The following GRK5 variants were observed in gnomAD, a reference collection of about 807,000 sequenced individuals.
GRK5 encodes g protein-coupled receptor kinase GRK5.
A neutral mutation model predicts 78.4 loss-of-function variants in GRK5; 40 were observed. The ratio of observed to expected loss-of-function variants is 0.51; its 90% confidence interval spans 0.40 to 0.66. GRK5 has a LOEUF of 0.66. Ranked by LOEUF, GRK5 falls within the 30% of genes least tolerant of loss-of-function variation. The pLI is 0.00. For synonymous variants in GRK5, 289 were observed against 296.8 expected, an observed-to-expected ratio of 0.97 and a Z score of 0.27; for missense variants, 598 against 759.9, an observed-to-expected ratio of 0.79 and a Z score of 2.50.
At chr10:119,390,711 A>G (rs560077875) in intron 3 of GRK5, among the ~76,000 whole-genome samples, 93 of 152,300 alleles carry the variant, frequency 6.1e-4, no homozygotes, top group African/African-American at 2.2e-3. Flanking sequence ...TCAAAAAACA[A>G]ACAAAATATC....
chr10:119,380,761 G>A (rs1851697016), intron 2 of GRK5, 54 bp from the exon 3 acceptor site: 1 of 1,104,924 alleles, frequency 9.1e-7, no homozygotes, highest in African/African-American at 1.5e-5. Flanking sequence ...TGACAGGAAG[G>A]CCCTGCCTGG....
In GRK5 at chr10:119,380,886, A is replaced by G. The variant is rs377486443; in HGVS notation, c.220A>G (p.Arg74Gly). ...GCTTTTCCGGCAGTTTTGTGAAACC[A>G]GGCCTGGGCTGGAGTGTTACATTCA... The part of the protein sequence containing the change: ...RLLFRQFCET[R>G]PGLECYIQFL... The change falls in exon 3 of 16, where the codon AGG becomes GGG. Residue 74 changes from arginine (R) to glycine (G), a missense_variant. Arg to Gly is a moderately radical substitution (Grantham distance 125). Coordinates refer to ENST00000392870, the MANE Select transcript of GRK5 (RefSeq NM_005308.3). 6.7e-5 allele frequency: 108 copies of G among 1,613,426 alleles called. No individual in the cohort carries two copies. The highest frequency in any genetic ancestry group is 8.6e-5 in the Non-Finnish European group (101 of 1,179,454).
At chr10:119,356,182 C>G (rs1168944214) in intron 2 of GRK5, among the ~76,000 whole-genome samples, 1 of 152,204 alleles carries the variant, frequency 6.6e-6, no homozygotes, top group Non-Finnish European at 1.5e-5. Context: ...ATGCTGTATT[C>G]AGACTAAAGG....
chr10:119,387,807 G>A (rs1851825544), intron 3 of GRK5, among the ~76,000 whole-genome samples: 1 of 152,204 alleles, frequency 6.6e-6, no homozygotes, highest in Non-Finnish European at 1.5e-5. Context: ...TATGGAACCA[G>A]ATTCACCCAG....
Position 119,267,499 on chromosome 10 carries a change from G to A in GRK5, c.53-59017G>A, listed in dbSNP as rs780351438. ...GGCCTTGGGCAGCAGACTCCTCACC[G>A]TGGCCAGGCAAGGGATTCCCACCCT... is the stretch of plus-strand genomic sequence containing the variant. On this transcript the variant is annotated intron_variant, in intron 1 of 15. Coordinates refer to ENST00000392870, the MANE Select transcript of GRK5 (RefSeq NM_005308.3). This position sits in a 1 kb window ranked among gnomAD's most constrained non-coding sequence, Gnocchi z 4.1. Among the ~76,000 whole-genome samples the A allele has an allele frequency of 1.2e-4, 18 of 152,186 alleles. No individual in the cohort carries two copies. Among genetic ancestry groups the A allele is most frequent in the Non-Finnish European group, 1.6e-4 (11 of 68,030 alleles).
At chr10:119,273,860 A>G (rs1294195555) in intron 1 of GRK5, among the ~76,000 whole-genome samples, 1 of 152,000 alleles carries the variant, frequency 6.6e-6, no homozygotes, top group African/African-American at 2.4e-5. Flanking sequence ...TGCAACCTCC[A>G]TCTCCTGGGT....
intron 1 of GRK5, among the ~76,000 whole-genome samples, chr10:119,245,477 C>T (rs1849092579): frequency 6.6e-6 from 1 of 152,124 alleles, no homozygotes; most frequent in Admixed American, 6.5e-5. Flanking sequence ...ATAGCCACAA[C>T]ATGTATGAAC....
intron 4 of GRK5, among the ~76,000 whole-genome samples, chr10:119,416,011 C>A (rs548012136): frequency 3.3e-5 from 5 of 152,252 alleles, no homozygotes; most frequent in Admixed American, 2.0e-4. Context: ...CCCAGGGTGA[C>A]GCGGGGCAAA....
chr10:119,324,013 G>A (rs1183625295), intron 1 of GRK5, among the ~76,000 whole-genome samples: 2 of 152,172 alleles, frequency 1.3e-5, no homozygotes, highest in African/African-American at 4.8e-5. Flanking sequence ...TGACCCTGCG[G>A]GCCTCCGGTC....
intron 1 of GRK5, among the ~76,000 whole-genome samples, chr10:119,284,823 G>A (rs969446124): frequency 4.4e-4 from 67 of 152,252 alleles, no homozygotes; most frequent in African/African-American, 1.6e-3. Context: ...ATGCAAGGCT[G>A]CCGTCCTGGC....
chr10:119,347,322 C>T (rs760900115), intron 2 of GRK5, among the ~76,000 whole-genome samples: 14 of 149,760 alleles, frequency 9.3e-5, no homozygotes, highest in African/African-American at 2.0e-4. Flanking sequence ...TGTATGTGTC[C>T]GTATATTTGT....
intron 8 of GRK5, among the ~76,000 whole-genome samples, chr10:119,434,382 C>T (rs145489466): frequency 3.5e-4 from 54 of 152,322 alleles, no homozygotes; most frequent in African/African-American, 1.2e-3. Flanking sequence ...CGCCTACGAG[C>T]CCGTAAAATC....
chr10:119,349,268 C>G (rs370017288), intron 2 of GRK5, among the ~76,000 whole-genome samples: 308 of 152,172 alleles, frequency 2.0e-3, no homozygotes, highest in African/African-American at 7.1e-3. Flanking sequence ...GCTTCATTGT[C>G]ACAAAAAAGC....
At chr10:119,275,517 T>C (rs536506514) in intron 1 of GRK5, among the ~76,000 whole-genome samples, 1 of 152,186 alleles carries the variant, frequency 6.6e-6, no homozygotes, top group African/African-American at 2.4e-5. Context: ...CTTTATTTCC[T>C]ATGATAAATG....
Position 119,421,609 on chromosome 10 carries a change from A to C in GRK5, c.340-1557A>C, listed in dbSNP as rs114787496. ...AGTGGGAAGGCAGGTGGGAGACAGC[A>C]GCCACTACCCAGGCTGCTGTTGGTA... is the stretch of plus-strand genomic sequence containing the variant. On this transcript the variant is annotated intron_variant, in intron 4 of 15. Coordinates refer to ENST00000392870, the MANE Select transcript of GRK5 (RefSeq NM_005308.3). 9.1e-3 allele frequency among the ~76,000 whole-genome samples: 1,386 copies of C among 152,318 alleles called. 25 individuals are homozygous for C. The highest frequency in any genetic ancestry group is 0.032 in the African/African-American group (1,325 of 41,568).
intron 1 of GRK5, among the ~76,000 whole-genome samples, chr10:119,323,949 A>C (rs529420297): frequency 1.3e-5 from 2 of 152,098 alleles, no homozygotes; most frequent in South Asian, 2.1e-4. Flanking sequence ...AATGTTGGCA[A>C]CTGGTTCAGT....
In GRK5 at chr10:119,439,658, G is replaced by A. The variant is rs568708753; in HGVS notation, c.930-73G>A. On this transcript the variant is annotated intron_variant, in intron 9 of 15. Coordinates refer to ENST00000392870, the MANE Select transcript of GRK5 (RefSeq NM_005308.3). Reference sequence around the variant, plus strand: ...CACTCAGGCCTGATTAGCCCGAGGGGTCGACCCAGATGCCAGTGTATCCTA... The same window carrying A: ...CACTCAGGCCTGATTAGCCCGAGGGATCGACCCAGATGCCAGTGTATCCTA... The A allele has an allele frequency of 1.4e-4, 210 of 1,474,408 alleles. 1 individual carries two copies. The South Asian group carries it at 2.3e-3, about 16-fold the overall frequency. The allele number at this position is 1,474,408 out of a possible 1,614,324, so 91.3% of individuals were successfully genotyped here.
At position 119,268,588 on chromosome 10, in the gene GRK5, T is replaced by C. The variant is rs538028672; in HGVS notation, c.53-57928T>C. 2.0e-5 allele frequency among the ~76,000 whole-genome samples: 3 copies of C among 152,364 alleles called. No homozygotes were observed. The East Asian group carries it at 5.8e-4, about 29-fold the overall frequency. ...GTGACCTCCGACAGCTTAATTTCCC[T>C]GAGCCTCTGTGTTTTCATCTGTAAA... On this transcript the variant is annotated intron_variant, in intron 1 of 15. Transcript: ENST00000392870.
chr10:119,341,985 G>A (rs1384747744), intron 2 of GRK5, among the ~76,000 whole-genome samples: 1 of 152,142 alleles, frequency 6.6e-6, no homozygotes, highest in African/African-American at 2.4e-5. Flanking sequence ...CCCCTTGCAG[G>A]CCCCTATCCG....
Sources: allele counts gnomAD v4.1 joint callset (sites outside exome capture counted in the v4.1 genomes callset), GRCh38; gene constraint gnomAD v4.1.1; non-coding constraint Gnocchi (gnomAD v3.1); transcripts MANE v1.5; gene names NCBI Gene and HGNC (gene_info 2026-07-23, HGNC 2026-07-21).